ZC3H3: variants seen among roughly 807,000 people sequenced by gnomAD.
The protein encoded by ZC3H3 is zinc finger CCCH domain-containing protein 3.
ZC3H3 carries 36 observed loss-of-function variants against 77.3 expected under a neutral mutation model. The ratio of observed to expected loss-of-function variants is 0.47; its 90% CI spans 0.36 to 0.61. The LOEUF is 0.61. Ranked by LOEUF, ZC3H3 falls within the 20% of genes least tolerant of loss-of-function variation. The pLI is 0.00. For missense variants in ZC3H3, 1,331 were observed against 1,312.2 expected (o/e 1.01, Z -0.22); for synonymous variants, 626 against 555.2 (o/e 1.13, Z -1.79).
At chr8:143,519,880 C>G (rs1162915311) in intron 3 of ZC3H3, among the ~76,000 whole-genome samples, 4 of 152,202 alleles carry the variant, frequency 2.6e-5, no homozygotes, top group Non-Finnish European at 5.9e-5. Flanking sequence ...CTGTGGGAAG[C>G]CACGGCCCAG....
intron 9 of ZC3H3, among the ~76,000 whole-genome samples, chr8:143,446,963 C>T (rs1025088261): frequency 6.6e-6 from 1 of 152,270 alleles, no homozygotes; most frequent in Non-Finnish European, 1.5e-5. Context: ...TTCCCCAAGC[C>T]AGCCTGGCCC....
intron 4 of ZC3H3, among the ~76,000 whole-genome samples, chr8:143,485,860 C>T (rs950527279): frequency 1.5e-4 from 23 of 152,252 alleles, no homozygotes; most frequent in African/African-American, 5.5e-4. Context: ...GAAAAAGATG[C>T]CCAGCAATGC....
chr8:143,495,505 G>A (rs550747169), intron 4 of ZC3H3, among the ~76,000 whole-genome samples: 80 of 152,344 alleles, frequency 5.3e-4, no homozygotes, highest in Non-Finnish European at 4.1e-4. Context: ...GGCCTCTACC[G>A]GGAAGAGGAC....
intron 5 of ZC3H3, among the ~76,000 whole-genome samples, chr8:143,471,532 C>T (rs974428130): frequency 6.6e-6 from 1 of 152,250 alleles, no homozygotes; most frequent in Non-Finnish European, 1.5e-5. Context: ...GGCCTCTGCC[C>T]CACCACAGGA....
chr8:143,438,463 C>T (rs966339260), intron 11 of ZC3H3, among the ~76,000 whole-genome samples: 2 of 152,208 alleles, frequency 1.3e-5, no homozygotes, highest in Non-Finnish European at 2.9e-5. Context: ...CTGCCCTGCA[C>T]GTTCAGTGAG....
In ZC3H3 at chr8:143,538,613, C is replaced by A; in HGVS notation, c.754G>T (p.Val252Leu). ...AGGAGCTGTGGAGCACAGCTGGCCA[C>A]GGAATGAGAACCCAGCTTCCGGCCC... is the stretch of plus-strand genomic sequence containing the variant. ...ALGRKLGSHS[V>L]ASCAPQLLGD... The change falls in exon 2 of 12, where the codon GTG (valine) becomes TTG (leucine). Residue 252 changes from valine (V) to leucine (L), a missense_variant. Coordinates refer to ENST00000262577, the MANE Select transcript of ZC3H3 (RefSeq NM_015117.3). The A allele has an allele frequency of 1.9e-6, 3 of 1,609,544 alleles. No individual in the cohort carries two copies. Among genetic ancestry groups the A allele is most frequent in the Middle Eastern group, 1.7e-4 (1 of 6,060 alleles).
At chr8:143,525,358 G>A (rs945901097) in intron 3 of ZC3H3, among the ~76,000 whole-genome samples, 3 of 152,258 alleles carry the variant, frequency 2.0e-5, no homozygotes, top group Non-Finnish European at 4.4e-5. Context: ...GCAGGCACGG[G>A]CGTGGGCGCG....
chr8:143,522,954 A>G (rs1202505037), intron 3 of ZC3H3, among the ~76,000 whole-genome samples: 3 of 152,126 alleles, frequency 2.0e-5, no homozygotes, highest in African/African-American at 7.2e-5. Context: ...CTTTGATTTC[A>G]GCAAGAGTCC....
At chr8:143,465,902 G>T in intron 8 of ZC3H3, 54 bp from the exon 9 acceptor site, 1 of 1,573,942 alleles carries the variant, frequency 6.4e-7, no homozygotes. Context: ...CCAGGGCCCA[G>T]AGACGGTGGC....
Position 143,475,589 on chromosome 8 carries a change from C to A in ZC3H3, c.1716-4G>T. On this transcript the variant is annotated splice_region_variant and splice_polypyrimidine_tract_variant and intron_variant, in intron 4 of 11. Transcript: ENST00000262577. ...CAGGCGGTTCAGCACCAGGGACCTG[C>A]AGAGACAGGAAATGCCCGTCAAACC... The A allele has an allele frequency of 6.3e-7, 1 of 1,587,266 alleles. No homozygotes were observed. Among genetic ancestry groups the A allele is most frequent in the South Asian group, 1.1e-5 (1 of 87,814 alleles).
intron 3 of ZC3H3, among the ~76,000 whole-genome samples, chr8:143,510,082 C>T (rs979718402): frequency 1.3e-5 from 2 of 152,234 alleles, no homozygotes. Flanking sequence ...CTGCGCAGTG[C>T]TGGCAGTGGT....
At chr8:143,481,033 C>T (rs1820893845) in intron 4 of ZC3H3, among the ~76,000 whole-genome samples, 1 of 152,204 alleles carries the variant, frequency 6.6e-6, no homozygotes, top group African/African-American at 2.4e-5. Flanking sequence ...TCCGATTGCC[C>T]AGTCCCACAG....
At chr8:143,502,073 C>A (rs1001897185) in intron 4 of ZC3H3, among the ~76,000 whole-genome samples, 2 of 152,250 alleles carry the variant, frequency 1.3e-5, no homozygotes, top group Admixed American at 1.3e-4. Context: ...CCTGCCTCTC[C>A]CTGGGCCATG....
intron 5 of ZC3H3, among the ~76,000 whole-genome samples, chr8:143,473,635 G>A (rs1820641820): frequency 6.6e-6 from 1 of 152,242 alleles, no homozygotes; most frequent in Non-Finnish European, 1.5e-5. Context: ...TCAGGACAGT[G>A]CCAGCCAACG....
intron 9 of ZC3H3, among the ~76,000 whole-genome samples, chr8:143,446,232 G>A (rs1819860757): frequency 6.6e-6 from 1 of 152,124 alleles, no homozygotes; most frequent in Non-Finnish European, 1.5e-5. Context: ...ATATTTAGAG[G>A]CAACTGAGCA....
intron 3 of ZC3H3, among the ~76,000 whole-genome samples, chr8:143,519,216 G>A (rs1822161297): frequency 1.3e-5 from 2 of 152,308 alleles, no homozygotes; most frequent in East Asian, 1.9e-4. Flanking sequence ...TCGGGTCAGG[G>A]TAGGAGCTGG....
chr8:143,456,269 C>A (rs935669815), intron 9 of ZC3H3, among the ~76,000 whole-genome samples: 3 of 152,072 alleles, frequency 2.0e-5, no homozygotes, highest in Non-Finnish European at 4.4e-5. Context: ...TAATAGAAAA[C>A]AAAATAAATC....
intron 5 of ZC3H3, among the ~76,000 whole-genome samples, chr8:143,471,628 G>A (rs377686105): frequency 2.0e-5 from 3 of 152,336 alleles, no homozygotes; most frequent in South Asian, 4.1e-4. Context: ...TGGAGCTCAG[G>A]CCTTCAGGTG....
At chr8:143,490,936 T>C (rs1821183734) in intron 4 of ZC3H3, among the ~76,000 whole-genome samples, 1 of 152,210 alleles carries the variant, frequency 6.6e-6, no homozygotes, top group African/African-American at 2.4e-5. Flanking sequence ...ATATTGACTA[T>C]GTAAATGATA....
Sources: gnomAD v4.1 joint callset for allele counts (sites outside exome capture counted in the v4.1 genomes callset) on GRCh38, gnomAD v4.1.1 for gene constraint, MANE v1.5 for transcripts, NCBI Gene and HGNC (gene_info 2026-07-23, HGNC 2026-07-21) for gene names.